The following TBXAS1 variants were observed in gnomAD, a reference collection of about 807,000 sequenced individuals.
The protein encoded by TBXAS1 is thromboxane A synthase 1, also known as thromboxane-A synthase.
Under a neutral mutation model 60.7 loss-of-function variants are expected in TBXAS1, and 48 were observed. The ratio of observed to expected loss-of-function variants is 0.79; its 90% CI spans 0.63 to 1.01. The LOEUF is 1.01. TBXAS1 is among the 50% of genes least tolerant of loss of function. TBXAS1 has a pLI of 0.00. For synonymous variants in TBXAS1, 287 were observed against 269.7 expected (o/e 1.06, Z -0.63); for missense variants, 685 against 686.3 (o/e 1.00, Z 0.02).
At chr7:139,848,284 C>T (rs915399245) in intron 1 of TBXAS1, among the ~76,000 whole-genome samples, 10 of 152,080 alleles carry the variant, frequency 6.6e-5, no homozygotes, top group African/African-American at 1.4e-4. Context: ...CATGCCTGGC[C>T]GCTTTGCAAC....
At chr7:140,005,435 A>AT (rs1477366289) in intron 9 of TBXAS1, among the ~76,000 whole-genome samples, 1 of 152,294 alleles carries the variant, frequency 6.6e-6, no homozygotes, top group African/African-American at 2.4e-5. Context: ...TCTCAAAAAA[A>AT]AAATAAATAA....
At chr7:139,787,937 T>C (rs1219466694) in intron 4 of TBXAS1, among the ~76,000 whole-genome samples, 1 of 152,252 alleles carries the variant, frequency 6.6e-6, no homozygotes, top group Non-Finnish European at 1.5e-5. Flanking sequence ...TCTTTATTGA[T>C]ACAATTTTGA....
chr7:139,899,402 C>T (rs756009193), intron 3 of TBXAS1, among the ~76,000 whole-genome samples: 12 of 152,212 alleles, frequency 7.9e-5, no homozygotes, highest in Non-Finnish European at 1.5e-4. Context: ...CTAATCCCAA[C>T]AGTCTATTCT....
intron 3 of TBXAS1, among the ~76,000 whole-genome samples, chr7:139,902,688 A>G (rs977874138): frequency 6.6e-6 from 1 of 152,164 alleles, no homozygotes; most frequent in African/African-American, 2.4e-5. Context: ...AGAAATCGCC[A>G]AAGCGGCTTT....
Position 140,019,889 on chromosome 7 carries a change from T to C in TBXAS1, c.1528-136T>C, listed in dbSNP as rs867773704. 59 of 801,258 alleles carry C rather than the reference T, an allele frequency of 7.4e-5. No homozygotes were observed. In the Middle Eastern group the frequency reaches 2.7e-3, roughly 37 times the overall value. The allele number at this position is 801,258 out of a possible 1,614,324, so 49.6% of individuals were successfully genotyped here. ...ACGGCTGGAGTCACTGAAAGATAGG[T>C]TTGGGGCTTTGCTCTCTGCTTTCTT... On this transcript the variant is annotated intron_variant, in intron 12 of 12. Coordinates refer to ENST00000448866, the MANE Select transcript of TBXAS1 (RefSeq NM_001061.7).
chr7:139,906,903 C>G (rs1409002446), intron 3 of TBXAS1, among the ~76,000 whole-genome samples: 2 of 152,176 alleles, frequency 1.3e-5, no homozygotes, highest in African/African-American at 4.8e-5. Flanking sequence ...ATCCTGCAAC[C>G]TTGCTGAACT....
At chr7:139,892,147 G>A (rs1259497824) in intron 3 of TBXAS1, among the ~76,000 whole-genome samples, 2 of 152,168 alleles carry the variant, frequency 1.3e-5, no homozygotes, top group Non-Finnish European at 2.9e-5. Context: ...CTCCCGAAGA[G>A]CTGATACCTC....
chr7:139,966,349 A>AT (rs1356256127), intron 9 of TBXAS1, among the ~76,000 whole-genome samples: 1 of 152,222 alleles, frequency 6.6e-6, no homozygotes, highest in Non-Finnish European at 1.5e-5. Flanking sequence ...GTGGACAGTG[A>AT]TAAAAAAAAC....
At chr7:139,874,508 T>C (rs1802070382) in intron 2 of TBXAS1, among the ~76,000 whole-genome samples, 1 of 152,232 alleles carries the variant, frequency 6.6e-6, no homozygotes, top group African/African-American at 2.4e-5. Context: ...TTTATATTCA[T>C]ATATACTTTC....
At chr7:139,892,516 C>T (rs1371830419) in intron 3 of TBXAS1, among the ~76,000 whole-genome samples, 2 of 152,154 alleles carry the variant, frequency 1.3e-5, no homozygotes, top group African/African-American at 4.8e-5. Context: ...TAGCTTGAAC[C>T]TGGGAGGCGG....
intron 2 of TBXAS1, among the ~76,000 whole-genome samples, chr7:139,872,630 G>A (rs1801907271): frequency 6.6e-6 from 1 of 151,998 alleles, no homozygotes; most frequent in East Asian, 1.9e-4. Flanking sequence ...CTTTAGCCTG[G>A]GCAACAAGAG....
chr7:139,955,400 C>T, intron 6 of TBXAS1, 59 bp from the exon 7 acceptor site: 1 of 1,609,826 alleles, frequency 6.2e-7, no homozygotes, highest in Non-Finnish European at 8.5e-7. Flanking sequence ...CTGGAGGGGG[C>T]CATTGTGGGT....
intron 1 of TBXAS1, among the ~76,000 whole-genome samples, chr7:139,847,446 T>C (rs539787568): frequency 1.1e-4 from 16 of 152,188 alleles, no homozygotes; most frequent in Non-Finnish European, 1.6e-4. Context: ...TCATTTTCAA[T>C]GATGGTGTCA....
intron 4 of TBXAS1, among the ~76,000 whole-genome samples, chr7:139,928,638 AT>A (rs1195903517): frequency 1.3e-5 from 2 of 152,182 alleles, no homozygotes; most frequent in Admixed American, 1.3e-4. Flanking sequence ...TTGATTCCAG[AT>A]TAATAGAGTT....
rs539096838 is a variant in TBXAS1 at position 139,841,496 on chromosome 7, T to A, written c.89+12017T>A. ...CATCTATTTCCCTTTTTTTTTTTTT[T>A]ATCTTTTTGTATTTTTGTCTAGGAT... On this transcript the variant is annotated intron_variant, in intron 1 of 12. Transcript: ENST00000448866. 1.3e-4 allele frequency among the ~76,000 whole-genome samples: 18 copies of A among 142,412 alleles called. No homozygotes were observed. The South Asian group carries it at 2.5e-3, about 20-fold the overall frequency. 93.4% of individuals were successfully genotyped at this position (142,412 alleles called of 152,430 possible).
chr7:140,018,679 T>C (rs1815295507), intron 12 of TBXAS1, among the ~76,000 whole-genome samples: 2 of 152,194 alleles, frequency 1.3e-5, no homozygotes, highest in Admixed American at 1.3e-4. Flanking sequence ...TCCCATTCTT[T>C]AGATGAGGAA....
chr7:139,792,038 A>G (rs1057101027), intron 4 of TBXAS1, among the ~76,000 whole-genome samples: 52 of 152,160 alleles, frequency 3.4e-4, no homozygotes, highest in African/African-American at 1.2e-3. Flanking sequence ...ATCCCATAGA[A>G]AGCACACCTC....
At chr7:139,818,829 G>C (rs1798219422) in intron 4 of TBXAS1, among the ~76,000 whole-genome samples, 1 of 152,186 alleles carries the variant, frequency 6.6e-6, no homozygotes, top group Non-Finnish European at 1.5e-5. Flanking sequence ...ATGGAGCTGG[G>C]GGAAGGCTCC....
chr7:139,851,815 G>A (rs1335208969), intron 1 of TBXAS1, among the ~76,000 whole-genome samples: 1 of 152,186 alleles, frequency 6.6e-6, no homozygotes, highest in Non-Finnish European at 1.5e-5. Flanking sequence ...GCCTCCAAGA[G>A]GGCCCTCTGG....
Sources: allele counts gnomAD v4.1 joint callset (sites outside exome capture counted in the v4.1 genomes callset), GRCh38; gene constraint gnomAD v4.1.1; transcripts MANE v1.5; gene names NCBI Gene and HGNC (gene_info 2026-07-23, HGNC 2026-07-21).